Variants in WDR27 observed in about 807,000 individuals in gnomAD.
WDR27 encodes the protein WD repeat-containing protein 27.
WDR27 carries 100 observed loss-of-function variants against 114.4 expected under a neutral mutation model. The ratio of observed to expected loss-of-function variants is 0.87; its 90% CI spans 0.74 to 1.03. WDR27 has a LOEUF of 1.03. Among genes scored for constraint, WDR27 ranks in the 50% least tolerant of loss-of-function variants. The probability of loss-of-function intolerance (pLI) is 0.00; values close to 1 mark genes in which losing one functional copy is unlikely to be tolerated. For synonymous variants in WDR27, 449 were observed against 423.1 expected (o/e 1.06, Z -0.75); for missense variants, 1,129 against 1,092.9 (o/e 1.03, Z -0.47).
intron 1 of WDR27, among the ~76,000 whole-genome samples, chr6:169,699,745 G>A (rs2128319998): frequency 6.6e-6 from 1 of 152,262 alleles, no homozygotes; most frequent in East Asian, 1.9e-4. Context: ...ACTTTGTGGG[G>A]CCGAGGCAGA....
chr6:169,517,004 G>A (rs895404224), intron 25 of WDR27, among the ~76,000 whole-genome samples: 11 of 152,060 alleles, frequency 7.2e-5, no homozygotes, highest in African/African-American at 2.4e-4. Flanking sequence ...CAGAAGGAGG[G>A]GTAGAATGAT....
intron 17 of WDR27, among the ~76,000 whole-genome samples, chr6:169,639,971 A>T (rs921891597): frequency 6.6e-6 from 1 of 152,160 alleles, no homozygotes; most frequent in African/African-American, 2.4e-5. Context: ...GAGGAGGGCG[A>T]GAGGGGACGA....
chr6:169,585,189 C>T (rs192550989), intron 23 of WDR27, among the ~76,000 whole-genome samples: 4 of 152,094 alleles, frequency 2.6e-5, no homozygotes, highest in Non-Finnish European at 5.9e-5. Context: ...AATCATAAAA[C>T]TCCTAGAAGA....
rs567564744 is a variant in WDR27, at chr6:169,701,709, G to C, written c.-166C>G. On this transcript the variant is annotated 5_prime_UTR_variant, in exon 1 of 26. Coordinates refer to ENST00000448612, the MANE Select transcript of WDR27 (RefSeq NM_182552.5). ...GGAGGCTTCGGGTGACGAGACAGCG[G>C]GCAACGGCTCTGGTCCAGAGCGCGC... 1 of 184,408 alleles carries C rather than the reference G, an allele frequency of 5.4e-6. No individual in the cohort carries two copies. The highest frequency in any genetic ancestry group is 2.4e-5 in the African/African-American group (1 of 41,568). 11.4% of individuals were successfully genotyped at this position (184,408 alleles called of 1,614,324 possible).
intron 2 of WDR27, among the ~76,000 whole-genome samples, chr6:169,673,401 T>C (rs1052685249): frequency 6.6e-6 from 1 of 151,562 alleles, no homozygotes; most frequent in African/African-American, 2.4e-5. Flanking sequence ...CTGGACAAAA[T>C]TAAATATATA....
At chr6:169,582,195 G>A (rs1026540881) in intron 24 of WDR27, among the ~76,000 whole-genome samples, 123 of 152,204 alleles carry the variant, frequency 8.1e-4, no homozygotes, top group Non-Finnish European at 5.9e-5. Flanking sequence ...GGCTGGTCTT[G>A]GACTCCTGAC....
At chr6:169,694,214 AG>A (rs1056602533) in intron 1 of WDR27, among the ~76,000 whole-genome samples, 118 of 152,246 alleles carry the variant, frequency 7.8e-4, no homozygotes, top group African/African-American at 2.7e-3. Flanking sequence ...AGGCTGAGGC[AG>A]GAGTATCATC....
rs930296395 is a variant in WDR27 at position 169,684,432 on chromosome 6, T to C, written c.189+4385A>G. On this transcript the variant is annotated intron_variant, in intron 2 of 25. Coordinates refer to ENST00000448612, the MANE Select transcript of WDR27 (RefSeq NM_182552.5). The surrounding 1 kb of genome is among the most constrained non-coding windows in gnomAD (Gnocchi z 4.3). ...GAGAAACAGTCTCACAGGCTGACTA[T>C]GGCAAGCATGCTCCCAGGCCCAACA... Among the ~76,000 whole-genome samples the C allele has an allele frequency of 6.6e-6, 1 of 152,162 alleles. No homozygotes were observed. The highest frequency in any genetic ancestry group is 2.4e-5 in the African/African-American group (1 of 41,444).
intron 2 of WDR27, among the ~76,000 whole-genome samples, chr6:169,672,793 G>A (rs1779091388): frequency 6.6e-6 from 1 of 152,170 alleles, no homozygotes; most frequent in Non-Finnish European, 1.5e-5. Context: ...AGAAACGGCT[G>A]GGACAAGCAA....
At chr6:169,630,307 C>T (rs891071115) in intron 21 of WDR27, among the ~76,000 whole-genome samples, 1 of 152,196 alleles carries the variant, frequency 6.6e-6, no homozygotes, top group Non-Finnish European at 1.5e-5. Flanking sequence ...CATCTACTTT[C>T]TTATACAAAG....
At chr6:169,592,509 A>G (rs966745817) in intron 23 of WDR27, among the ~76,000 whole-genome samples, 2 of 152,182 alleles carry the variant, frequency 1.3e-5, no homozygotes, top group Non-Finnish European at 1.5e-5. Context: ...TATATCTATA[A>G]AGACCATTGA....
chr6:169,442,870 A>G, the WDR27 span, among the ~76,000 whole-genome samples: 172 of 152,138 alleles, frequency 1.1e-3, no homozygotes, highest in Middle Eastern at 0.02. Context: ...GCAGGCCACC[A>G]CCACCCCCAC....
intron 25 of WDR27, among the ~76,000 whole-genome samples, chr6:169,569,540 A>G (rs73790021): frequency 0.016 from 2,468 of 152,310 alleles, 64 homozygotes; most frequent in African/African-American, 0.057. Context: ...ATCAATTATT[A>G]AAAATCTAAC....
intron 25 of WDR27, among the ~76,000 whole-genome samples, chr6:169,543,124 T>C (rs769603988): frequency 5.7e-4 from 87 of 152,208 alleles, no homozygotes; most frequent in Non-Finnish European, 9.6e-4. Flanking sequence ...AATAAAACAA[T>C]TATTTAATCT....
intron 25 of WDR27, among the ~76,000 whole-genome samples, chr6:169,510,358 A>G (rs901119062): frequency 6.6e-6 from 1 of 152,176 alleles, no homozygotes; most frequent in Non-Finnish European, 1.5e-5. Flanking sequence ...ACTATTCACA[A>G]TAGCAAAGAC....
chr6:169,523,959 A>C (rs541741938), intron 25 of WDR27, among the ~76,000 whole-genome samples: 18 of 152,322 alleles, frequency 1.2e-4, no homozygotes, highest in African/African-American at 4.1e-4. Flanking sequence ...AGGTAAGAGA[A>C]AGAATTAATA....
chr6:169,444,165 T>C, the WDR27 span, among the ~76,000 whole-genome samples: 2 of 152,138 alleles, frequency 1.3e-5, no homozygotes, highest in East Asian at 3.9e-4. Context: ...CAGATCCCTA[T>C]TTGCCCATAT....
intron 2 of WDR27, among the ~76,000 whole-genome samples, chr6:169,676,090 G>A (rs902945167): frequency 6.6e-5 from 10 of 152,170 alleles, no homozygotes; most frequent in Non-Finnish European, 1.2e-4. Context: ...TTTATGGTTT[G>A]TAGGGCATGA....
chr6:169,490,518 A>G (rs1157473496), intron 25 of WDR27, among the ~76,000 whole-genome samples: 1 of 152,178 alleles, frequency 6.6e-6, no homozygotes, highest in Non-Finnish European at 1.5e-5. Context: ...TATCTGTCTG[A>G]AAGGGAAGGA....
Sources: allele counts gnomAD v4.1 joint callset (sites outside exome capture counted in the v4.1 genomes callset), GRCh38; gene constraint gnomAD v4.1.1; non-coding constraint Gnocchi (gnomAD v3.1); transcripts MANE v1.5; gene names NCBI Gene and HGNC (gene_info 2026-07-23, HGNC 2026-07-21).